ANK2: variants seen among roughly 807,000 people sequenced by gnomAD.
The protein encoded by ANK2 is ankyrin-2.
ANK2 carries 83 observed loss-of-function variants against 360.5 expected under a neutral mutation model. That is an observed-to-expected ratio of 0.23 (90% CI 0.19 to 0.28). ANK2 has a LOEUF of 0.28. ANK2 is among the 10% of genes least tolerant of loss of function. ANK2 has a pLI of 1.00. For missense variants in ANK2, 4,201 were observed against 4,795.7 expected, an observed-to-expected ratio of 0.88 and a Z score of 3.66; for synonymous variants, 1,740 against 1,759.5, an observed-to-expected ratio of 0.99 and a Z score of 0.28.
chr4:112,951,593 G>A (rs2095003542), intron 2 of ANK2, among the ~76,000 whole-genome samples: 1 of 151,462 alleles, frequency 6.6e-6, no homozygotes, highest in Admixed American at 6.6e-5. Context: ...CTTTTTTATT[G>A]TTCGAGATTA....
chr4:113,231,144 C>T (rs1490711145), intron 4 of ANK2, among the ~76,000 whole-genome samples: 5 of 151,700 alleles, frequency 3.3e-5, no homozygotes, highest in South Asian at 2.1e-4. Context: ...CTCCGCCTCC[C>T]GGATTCAAGC....
intron 1 of ANK2, among the ~76,000 whole-genome samples, chr4:113,134,925 A>G (rs1452110717): frequency 6.6e-6 from 1 of 152,196 alleles, no homozygotes; most frequent in Non-Finnish European, 1.5e-5. Context: ...CTAATTTTAG[A>G]CATTAGAAGT....
intron 2 of ANK2, among the ~76,000 whole-genome samples, chr4:112,916,054 C>T (rs928019738): frequency 3.3e-5 from 5 of 152,060 alleles, no homozygotes; most frequent in African/African-American, 1.2e-4. Context: ...TTGAGAAAAA[C>T]TGTTGTGTGA....
At chr4:112,820,483 GT>G (rs1280868937) in intron 1 of ANK2, among the ~76,000 whole-genome samples, 1 of 152,140 alleles carries the variant, frequency 6.6e-6, no homozygotes, top group Non-Finnish European at 1.5e-5. Context: ...AAAATTAGGT[GT>G]TTTTTTCAAT....
chr4:112,832,421 G>GA (rs1305212043), intron 1 of ANK2, among the ~76,000 whole-genome samples: 2 of 152,094 alleles, frequency 1.3e-5, no homozygotes, highest in East Asian at 1.9e-4. Context: ...AAATTTGGAA[G>GA]AAAAAAATAG....
chr4:113,282,191 A>G (rs1311616967), intron 17 of ANK2, among the ~76,000 whole-genome samples: 1 of 152,216 alleles, frequency 6.6e-6, no homozygotes, highest in Non-Finnish European at 1.5e-5. Flanking sequence ...AGCACACACA[A>G]TTCAAGAGCA....
intron 2 of ANK2, among the ~76,000 whole-genome samples, chr4:112,990,885 G>T (rs1179709418): frequency 6.6e-6 from 1 of 152,114 alleles, no homozygotes; most frequent in Non-Finnish European, 1.5e-5. Flanking sequence ...GTGATTAAAG[G>T]AAGACCACCT....
intron 1 of ANK2, among the ~76,000 whole-genome samples, chr4:113,115,359 G>C (rs902066981): frequency 6.6e-6 from 1 of 152,096 alleles, no homozygotes; most frequent in African/African-American, 2.4e-5. Context: ...TGAATTTTCA[G>C]CTGTTCAGAT....
At chr4:113,048,538 G>C (rs185135715), upstream of ANK2, among the ~76,000 whole-genome samples, 354 of 149,614 alleles carry the variant, frequency 2.4e-3, 5 homozygotes, top group East Asian at 0.02. Context: ...CTCCCAAAAT[G>C]CTGGGATTAT....
At chr4:113,117,124 T>A in intron 1 of ANK2, 4 of 367,790 alleles carry the variant, frequency 1.1e-5, no homozygotes, top group South Asian at 2.1e-5. Context: ...TGGAGCAAGA[T>A]TATGACCTAG....
chr4:113,323,802 A>G, intron 26 of ANK2: 1 of 1,610,632 alleles, frequency 6.2e-7, no homozygotes, highest in Non-Finnish European at 8.5e-7. Context: ...CAGGTGAACT[A>G]CTGCATAATT....
intron 35 of ANK2, 100 bp from the exon 36 acceptor site, chr4:113,348,176 T>C (rs2095085872): frequency 8.4e-7 from 1 of 1,187,062 alleles, no homozygotes; most frequent in African/African-American, 1.5e-5. Context: ...TGTTGATGCT[T>C]GTTGAAAGGG....
At chr4:112,851,120 T>C (rs894354364) in intron 1 of ANK2, among the ~76,000 whole-genome samples, 8 of 152,112 alleles carry the variant, frequency 5.3e-5, no homozygotes, top group Non-Finnish European at 1.2e-4. Flanking sequence ...GCTGTCTTCA[T>C]TAATAATAGA....
chr4:112,788,532 C>A, the ANK2 span: 1 of 1,579,438 alleles, frequency 6.3e-7, no homozygotes, highest in South Asian at 1.1e-5. Context: ...TTCTTCTCGG[C>A]CTGGGCCAAC....
the ANK2 span, among the ~76,000 whole-genome samples, chr4:112,785,930 C>G: frequency 6.6e-6 from 1 of 151,330 alleles, no homozygotes. Flanking sequence ...AGCCTCTGCC[C>G]GCTGGGTTCC....
chr4:113,028,394 C>A (rs1001164653), intron 2 of ANK2, among the ~76,000 whole-genome samples: 1 of 152,120 alleles, frequency 6.6e-6, no homozygotes, highest in East Asian at 1.9e-4. Context: ...TGTTATCTCT[C>A]GTTCATGCAA....
At chr4:112,829,482 C>T (rs1236691214) in intron 1 of ANK2, among the ~76,000 whole-genome samples, 1 of 56,030 alleles carries the variant, frequency 1.8e-5, no homozygotes, top group Non-Finnish European at 3.2e-5. Flanking sequence ...TAGTATGAGC[C>T]CATCTCTACA....
At chr4:113,132,568 G>C (rs955810052) in intron 1 of ANK2, among the ~76,000 whole-genome samples, 1 of 152,176 alleles carries the variant, frequency 6.6e-6, no homozygotes, top group Non-Finnish European at 1.5e-5. Context: ...CATGATGGTA[G>C]CTTCTCAGCC....
chr4:113,146,853 G>A (rs961660164), intron 1 of ANK2, among the ~76,000 whole-genome samples: 1 of 152,158 alleles, frequency 6.6e-6, no homozygotes, highest in African/African-American at 2.4e-5. Flanking sequence ...ACTAAGATAT[G>A]TAGGATTTCT....
Sources: allele counts gnomAD v4.1 joint callset (sites outside exome capture counted in the v4.1 genomes callset), GRCh38; gene constraint gnomAD v4.1.1; transcripts MANE v1.5; gene names NCBI Gene and HGNC (gene_info 2026-07-23, HGNC 2026-07-21).